PIP5K1B: variants seen among roughly 807,000 people sequenced by gnomAD.
PIP5K1B encodes the protein phosphatidylinositol 4-phosphate 5-kinase type-1 beta.
PIP5K1B carries 42 observed loss-of-function variants against 67.0 expected under a neutral mutation model. The observed-to-expected ratio is 0.63, with a 90% confidence interval of 0.49 to 0.81. The LOEUF (loss-of-function observed/expected upper bound fraction) is 0.81, where lower values mean the gene tolerates loss of function less well. Among genes scored for constraint, PIP5K1B ranks in the 30% least tolerant of loss-of-function variants. The pLI, the probability that PIP5K1B is intolerant of heterozygous loss-of-function variation, is 0.00. For missense variants in PIP5K1B, 459 were observed against 646.3 expected (o/e 0.71, Z 3.14); for synonymous variants, 214 against 231.4 (o/e 0.92, Z 0.68).
At chr9:68,937,832 T>C (rs1162840856) in intron 13 of PIP5K1B, among the ~76,000 whole-genome samples, 1 of 152,226 alleles carries the variant, frequency 6.6e-6, no homozygotes, top group African/African-American at 2.4e-5. Context: ...AAAGAACATC[T>C]TTATTTCTGC....
At chr9:68,914,760 CAAG>C (rs1349604493) in intron 8 of PIP5K1B, among the ~76,000 whole-genome samples, 1 of 151,936 alleles carries the variant, frequency 6.6e-6, no homozygotes, top group Non-Finnish European at 1.5e-5. Flanking sequence ...AAGAAAAAGA[CAAG>C]AGAAAATTCC....
chr9:68,825,027 AAGTG>A (rs1175472480), intron 4 of PIP5K1B, among the ~76,000 whole-genome samples: 1 of 152,248 alleles, frequency 6.6e-6, no homozygotes, highest in African/African-American at 2.4e-5. Context: ...ACCAGATTAT[AAGTG>A]AGACATTATT....
chr9:68,882,105 G>C (rs1824227361), intron 6 of PIP5K1B, among the ~76,000 whole-genome samples: 1 of 152,210 alleles, frequency 6.6e-6, no homozygotes, highest in Admixed American at 6.5e-5. Flanking sequence ...AGAAGCAAGA[G>C]CATGAATACA....
At chr9:68,922,525 C>T (rs1826458530) in intron 11 of PIP5K1B, among the ~76,000 whole-genome samples, 1 of 151,264 alleles carries the variant, frequency 6.6e-6, no homozygotes, top group Non-Finnish European at 1.5e-5. Flanking sequence ...ATTATAGAAG[C>T]AAATTTACTA....
intron 2 of PIP5K1B, among the ~76,000 whole-genome samples, chr9:68,768,776 T>A (rs1455449775): frequency 6.6e-6 from 1 of 152,234 alleles, no homozygotes; most frequent in Non-Finnish European, 1.5e-5. Flanking sequence ...GAGCAGTAGC[T>A]GTCAGCCACC....
intron 5 of PIP5K1B, among the ~76,000 whole-genome samples, chr9:68,872,007 C>G (rs1823649692): frequency 6.6e-6 from 1 of 151,608 alleles, no homozygotes; most frequent in Non-Finnish European, 1.5e-5. Flanking sequence ...TTCATTTTTG[C>G]TAAGTCTGGA....
At chr9:68,972,264 T>G (rs1829408252) in intron 14 of PIP5K1B, among the ~76,000 whole-genome samples, 1 of 152,252 alleles carries the variant, frequency 6.6e-6, no homozygotes. Flanking sequence ...CATTGCTTGT[T>G]TTTGTCAGGT....
intron 4 of PIP5K1B, among the ~76,000 whole-genome samples, chr9:68,854,016 A>G (rs1013838058): frequency 7.9e-6 from 1 of 126,292 alleles, no homozygotes; most frequent in Non-Finnish European, 1.7e-5. Flanking sequence ...TACCAAAAGC[A>G]TATATAAGTT....
chr9:68,824,132 A>G (rs1833864929), intron 4 of PIP5K1B: 1 of 518,902 alleles, frequency 1.9e-6, no homozygotes, highest in Non-Finnish European at 3.8e-6. Flanking sequence ...TCGTTTACCC[A>G]AGATTCCGTG....
chr9:68,710,463 G>A (rs1827332210), intron 1 of PIP5K1B, among the ~76,000 whole-genome samples: 1 of 152,126 alleles, frequency 6.6e-6, no homozygotes, highest in African/African-American at 2.4e-5. Context: ...GCTATTGACA[G>A]AGAATTGTAT....
chr9:68,936,131 T>G (rs1332498606), intron 13 of PIP5K1B, among the ~76,000 whole-genome samples: 1 of 152,212 alleles, frequency 6.6e-6, no homozygotes, highest in Non-Finnish European at 1.5e-5. Context: ...AGAATTGAGT[T>G]TTCTGGCCAT....
chr9:68,732,954 T>TGAC (rs1277543966), intron 1 of PIP5K1B, among the ~76,000 whole-genome samples: 1 of 149,930 alleles, frequency 6.7e-6, no homozygotes, highest in Non-Finnish European at 1.5e-5. Flanking sequence ...ATGATGATGA[T>TGAC]GACGACGACG....
chr9:68,786,697 A>G (rs532831482), intron 2 of PIP5K1B, among the ~76,000 whole-genome samples: 35 of 151,968 alleles, frequency 2.3e-4, no homozygotes, highest in African/African-American at 7.0e-4. Context: ...AGCTTTATGT[A>G]TTTTTTCCCT....
intron 1 of PIP5K1B, among the ~76,000 whole-genome samples, chr9:68,711,649 A>C (rs1204243135): frequency 6.6e-6 from 1 of 152,218 alleles, no homozygotes; most frequent in Non-Finnish European, 1.5e-5. Context: ...ATAGATGCTA[A>C]TGTTGATAGT....
chr9:68,955,803 A>G (rs1475773810), intron 14 of PIP5K1B, among the ~76,000 whole-genome samples: 1 of 152,258 alleles, frequency 6.6e-6, no homozygotes, highest in African/African-American at 2.4e-5. Flanking sequence ...CCAATGAGTT[A>G]TGACTACCAT....
At chr9:68,840,603 C>A (rs1209006487) in intron 4 of PIP5K1B, among the ~76,000 whole-genome samples, 3 of 152,146 alleles carry the variant, frequency 2.0e-5, no homozygotes, top group African/African-American at 7.2e-5. Context: ...GGGCCACTTA[C>A]ATTTCTTGGC....
At chr9:68,970,061 A>G (rs1829273452) in intron 14 of PIP5K1B, among the ~76,000 whole-genome samples, 1 of 152,210 alleles carries the variant, frequency 6.6e-6, no homozygotes, top group African/African-American at 2.4e-5. Flanking sequence ...CAGGGTGCAT[A>G]GAAGTGACAT....
At chr9:68,893,875 G>T (rs567326195) in intron 7 of PIP5K1B, among the ~76,000 whole-genome samples, 20 of 152,300 alleles carry the variant, frequency 1.3e-4, no homozygotes, top group African/African-American at 4.3e-4. Flanking sequence ...TAAAGTTTGG[G>T]TACTATTCAG....
intron 2 of PIP5K1B, among the ~76,000 whole-genome samples, chr9:68,768,223 A>T (rs979491871): frequency 6.6e-6 from 1 of 152,234 alleles, no homozygotes; most frequent in Non-Finnish European, 1.5e-5. Context: ...AGTAAGATGG[A>T]TGGCTAGTTA....
Sources: gnomAD v4.1 joint callset for allele counts (sites outside exome capture counted in the v4.1 genomes callset) on GRCh38, gnomAD v4.1.1 for gene constraint, MANE v1.5 for transcripts, NCBI Gene and HGNC (gene_info 2026-07-23, HGNC 2026-07-21) for gene names.